TCTN3: variants seen among roughly 807,000 people sequenced by gnomAD.
The protein encoded by TCTN3 is tectonic-3.
Under a neutral mutation model 71.3 loss-of-function variants are expected in TCTN3, and 57 were observed. The ratio of observed to expected loss-of-function variants is 0.80; its 90% CI spans 0.65 to 1.00. The LOEUF is 1.00. TCTN3 is among the 50% of genes least tolerant of loss of function. The pLI, the probability that TCTN3 is intolerant of heterozygous loss-of-function variation, is 0.00. For synonymous variants in TCTN3, 258 were observed against 267.8 expected (o/e 0.96, Z 0.36); for missense variants, 696 against 719.9 (o/e 0.97, Z 0.38).
At chr10:95,685,937 A>G (rs1293907188) in intron 7 of TCTN3, among the ~76,000 whole-genome samples, 1 of 152,256 alleles carries the variant, frequency 6.6e-6, no homozygotes, top group African/African-American at 2.4e-5. Context: ...AGCAAATTAA[A>G]GACTCCAGGA....
chr10:95,688,588 G>C (rs2097950840), intron 3 of TCTN3, among the ~76,000 whole-genome samples: 1 of 151,938 alleles, frequency 6.6e-6, no homozygotes, highest in Non-Finnish European at 1.5e-5. Flanking sequence ...CACTTCAACT[G>C]ACAAGTCCTA....
intron 3 of TCTN3, among the ~76,000 whole-genome samples, chr10:95,689,903 C>T (rs2097952017): frequency 6.6e-6 from 1 of 152,184 alleles, no homozygotes; most frequent in Non-Finnish European, 1.5e-5. Context: ...TCTCCTATTC[C>T]TGGTGTTTTT....
rs555304794 is a variant in TCTN3 at position 95,676,689 on chromosome 10, T to A, written c.1590+3783A>T. On this transcript the variant is annotated intron_variant, in intron 13 of 13. Transcript: ENST00000371217. ...ATAGTCAACAAAGGTTGAAAAACAT[T>A]GCTTTAATACCTGCTTTTCTCTTTT... is the stretch of plus-strand genomic sequence containing the variant. Among the ~76,000 whole-genome samples the A allele has an allele frequency of 3.9e-5, 6 of 152,332 alleles. No homozygotes were observed. In the East Asian group the frequency reaches 9.6e-4, roughly 24 times the overall value.
intron 11 of TCTN3, 72 bp from the exon 12 acceptor site, chr10:95,682,876 TA>T: frequency 6.6e-7 from 1 of 1,520,378 alleles, no homozygotes; most frequent in Non-Finnish European, 8.9e-7. Flanking sequence ...TACGGTATGT[TA>T]AACCAAACAT....
rs1433136103 is a variant in TCTN3 at position 95,682,716 on chromosome 10, C to CA, written c.1386dup (p.Gly463TrpfsTer2). 6.2e-7 allele frequency: 1 copy of CA among 1,614,090 alleles called. No homozygotes were observed. The highest frequency in any genetic ancestry group is 8.5e-7 in the Non-Finnish European group (1 of 1,180,006). On this transcript the variant is annotated frameshift_variant, in exon 12 of 14. Coordinates refer to ENST00000371217, the MANE Select transcript of TCTN3 (RefSeq NM_015631.6). LOFTEE classifies it high-confidence loss of function. ...CCTTTCTGGGCTGGGTCAGCATTAC[C>CA]AAAGATGGCAACATACTCTGGTCTG...
At chr10:95,665,961 G>T (rs1440390660) in intron 13 of TCTN3, among the ~76,000 whole-genome samples, 1 of 147,532 alleles carries the variant, frequency 6.8e-6, no homozygotes, top group Non-Finnish European at 1.5e-5. Flanking sequence ...TTTTTTTTGA[G>T]ATGGAGTCTT....
chr10:95,693,615 G>A (rs2097955782), intron 1 of TCTN3, 29 bp downstream of exon 1: 4 of 1,548,264 alleles, frequency 2.6e-6, no homozygotes, highest in Non-Finnish European at 3.5e-6. Flanking sequence ...TCAGAAGTAA[G>A]TTTCCACCCC....
chr10:95,670,800 A>G (rs2097930371), intron 13 of TCTN3, among the ~76,000 whole-genome samples: 1 of 151,928 alleles, frequency 6.6e-6, no homozygotes, highest in African/African-American at 2.4e-5. Context: ...GTAGCTAGGA[A>G]TACAGGTGCA....
In TCTN3 at chr10:95,663,635, CAGTT is replaced by C. The variant is rs937643204; in HGVS notation, c.*428_*431del. On this transcript the variant is annotated 3_prime_UTR_variant, in exon 14 of 14. Transcript: ENST00000371217. ...ACAGCCAGCAGTTTTCTGTTCCAAA[CAGTT>C]AGCTCCTCTACAGTCCAGAGGGAAG... is the stretch of plus-strand genomic sequence containing the variant. The C allele has an allele frequency of 1.2e-5, 2 of 161,392 alleles. No individual in the cohort carries two copies. The highest frequency in any genetic ancestry group is 2.7e-5 in the Non-Finnish European group (2 of 73,100). 10.0% of individuals were successfully genotyped at this position (161,392 alleles called of 1,614,324 possible).
At chr10:95,665,824 C>T (rs937731771) in intron 13 of TCTN3, among the ~76,000 whole-genome samples, 2 of 152,036 alleles carry the variant, frequency 1.3e-5, no homozygotes, top group Non-Finnish European at 2.9e-5. Context: ...TGCTATGTTG[C>T]CCAGGCTGAT....
intron 11 of TCTN3, 50 bp downstream of exon 11, chr10:95,683,051 C>A: frequency 6.6e-7 from 1 of 1,508,464 alleles, no homozygotes; most frequent in Non-Finnish European, 9.2e-7. Context: ...TCAACATATT[C>A]CCTACATATT....
At chr10:95,683,251 C>T in intron 10 of TCTN3, 56 bp from the exon 11 acceptor site, 2 of 1,558,688 alleles carry the variant, frequency 1.3e-6, no homozygotes, top group Non-Finnish European at 8.8e-7. Flanking sequence ...AAGGAGGCAG[C>T]ATTGCAAAAT....
intron 1 of TCTN3, 71 bp downstream of exon 1, chr10:95,693,573 G>C: frequency 6.5e-7 from 1 of 1,546,904 alleles, no homozygotes; most frequent in Non-Finnish European, 8.7e-7. Context: ...CTGCTTTGTG[G>C]CAGCTCAACT....
intron 13 of TCTN3, among the ~76,000 whole-genome samples, chr10:95,675,035 T>G (rs1043892247): frequency 2.6e-5 from 4 of 152,224 alleles, no homozygotes; most frequent in Admixed American, 1.3e-4. Context: ...TGAGAATGAA[T>G]ATGTTACAGG....
chr10:95,684,647 T>C (rs766601267), intron 8 of TCTN3, 23 bp from the exon 9 acceptor site: 65 of 1,611,428 alleles, frequency 4.0e-5, no homozygotes, highest in Non-Finnish European at 5.4e-5. Flanking sequence ...AAGAATCAAT[T>C]AATAAAAAGT....
In TCTN3 at chr10:95,683,427, A is replaced by C. The variant is rs755530846; in HGVS notation, c.1203+95T>G. 1.6e-5 allele frequency: 25 copies of C among 1,597,544 alleles called. No individual in the cohort carries two copies. In the African/African-American group the frequency reaches 3.2e-4, roughly 21 times the overall value. Reference sequence around the variant, plus strand: ...AAGTACCTCATTATAATGAACAAAAAATTCCTCACCTTTGGCTAGTCTAAC... The same window carrying C: ...AAGTACCTCATTATAATGAACAAAACATTCCTCACCTTTGGCTAGTCTAAC... On this transcript the variant is annotated intron_variant, in intron 10 of 13. Transcript: ENST00000371217.
chr10:95,676,254 CTTTT>C (rs199882523), intron 13 of TCTN3, among the ~76,000 whole-genome samples: 5 of 136,280 alleles, frequency 3.7e-5, no homozygotes, highest in Admixed American at 7.5e-5. Context: ...TAGAAAATAT[CTTTT>C]TTTTTTTTTT....
intron 13 of TCTN3, among the ~76,000 whole-genome samples, chr10:95,671,945 A>C (rs907405591): frequency 2.0e-5 from 3 of 151,992 alleles, no homozygotes; most frequent in African/African-American, 7.2e-5. Context: ...ATTTTTGTTG[A>C]GGTATAATTT....
Position 95,687,416 on chromosome 10 carries a change from A to T in TCTN3, c.628-61T>A, listed in dbSNP as rs186406302. On this transcript the variant is annotated intron_variant, in intron 4 of 13. Coordinates refer to ENST00000371217, the MANE Select transcript of TCTN3 (RefSeq NM_015631.6). ...AGACTGGACTAAACTACAACAGAAA[A>T]GAAAGAGTAGAAACAAGGTTAACTC... 3 of 1,521,268 alleles carry T rather than the reference A, an allele frequency of 2.0e-6. No homozygotes were observed. In the Admixed American group the frequency reaches 6.1e-5, roughly 31 times the overall value. The allele number at this position is 1,521,268 out of a possible 1,614,324, so 94.2% of individuals were successfully genotyped here.
Sources: gnomAD v4.1 joint callset for allele counts (sites outside exome capture counted in the v4.1 genomes callset) on GRCh38, gnomAD v4.1.1 for gene constraint, MANE v1.5 for transcripts, NCBI Gene and HGNC (gene_info 2026-07-23, HGNC 2026-07-21) for gene names.